DGKB: variants seen among roughly 807,000 people sequenced by gnomAD.
The protein encoded by DGKB is diacylglycerol kinase beta, also known as 90 kDa diacylglycerol kinase.
DGKB carries 67 observed loss-of-function variants against 114.3 expected under a neutral mutation model. The observed-to-expected ratio is 0.59, with a 90% CI of 0.48 to 0.72. The LOEUF (loss-of-function observed/expected upper bound fraction) is 0.72. Ranked by LOEUF, DGKB falls within the 30% of genes least tolerant of loss-of-function variation. DGKB has a pLI of 0.00. For missense variants in DGKB, 907 were observed against 975.2 expected (o/e 0.93, Z 0.93); for synonymous variants, 398 against 323.1 (o/e 1.23, Z -2.49).
At chr7:14,345,483 G>A in intron 21 of DGKB, 92 bp from the exon 22 acceptor site, 1 of 654,392 alleles carries the variant, frequency 1.5e-6, no homozygotes. Context: ...TGTTATAATA[G>A]AAAAGGTCTG....
intron 8 of DGKB, among the ~76,000 whole-genome samples, chr7:14,694,502 T>C (rs1186859535): frequency 2.0e-5 from 3 of 152,220 alleles, no homozygotes; most frequent in Non-Finnish European, 2.9e-5. Flanking sequence ...ACTTTCTTCA[T>C]ATTATTTTTT....
chr7:14,231,127 C>CTTTCTTTTTCTTTCTTTCTTTCTT (rs1554297194), intron 23 of DGKB, among the ~76,000 whole-genome samples: 4 of 125,184 alleles, frequency 3.2e-5, no homozygotes, highest in African/African-American at 9.2e-5. Context: ...TTCTTTCTTT[C>CTTTCTTTTTCTTTCTTTCTTTCTT]TTTCTTTCTT....
At chr7:14,672,603 C>A (rs1364660291) in intron 13 of DGKB, among the ~76,000 whole-genome samples, 1 of 151,974 alleles carries the variant, frequency 6.6e-6, no homozygotes, top group African/African-American at 2.4e-5. Context: ...AGAATAACTT[C>A]ATTATTCTGG....
intron 2 of DGKB, among the ~76,000 whole-genome samples, chr7:14,763,020 G>A (rs1044394181): frequency 3.3e-5 from 5 of 151,960 alleles, no homozygotes; most frequent in African/African-American, 1.2e-4. Context: ...TGGCACCATA[G>A]GTGTGTCAAA....
intron 14 of DGKB, among the ~76,000 whole-genome samples, chr7:14,627,020 T>C (rs1380789755): frequency 1.3e-5 from 2 of 152,076 alleles, no homozygotes; most frequent in African/African-American, 4.8e-5. Context: ...TAGAAAAAAG[T>C]AAGAAAATTT....
chr7:14,488,865 A>G (rs62443473), intron 20 of DGKB, among the ~76,000 whole-genome samples: 1 of 31,718 alleles, frequency 3.2e-5, no homozygotes, highest in Non-Finnish European at 5.5e-5. Context: ...AAAAAACCCA[A>G]CAACAACAAC....
intron 20 of DGKB, among the ~76,000 whole-genome samples, chr7:14,526,939 C>A (rs532497311): frequency 6.6e-6 from 1 of 152,194 alleles, no homozygotes; most frequent in African/African-American, 2.4e-5. Context: ...TGGGTTTACA[C>A]CTATATGCTT....
At chr7:14,239,915 TA>T (rs1793391037) in intron 23 of DGKB, among the ~76,000 whole-genome samples, 1 of 152,154 alleles carries the variant, frequency 6.6e-6, no homozygotes, top group Non-Finnish European at 1.5e-5. Flanking sequence ...GTATCTATTT[TA>T]CCATATTACC....
intron 1 of DGKB, among the ~76,000 whole-genome samples, chr7:14,848,212 T>C (rs549623038): frequency 6.6e-5 from 10 of 152,062 alleles, no homozygotes; most frequent in African/African-American, 1.7e-4. Flanking sequence ...AAGATCAAGG[T>C]TGAAAACTGA....
intron 25 of DGKB, among the ~76,000 whole-genome samples, chr7:14,175,404 T>C (rs1193362391): frequency 6.6e-6 from 1 of 152,128 alleles, no homozygotes; most frequent in East Asian, 1.9e-4. Context: ...TAGGTAAGAG[T>C]TGACTTCAAT....
chr7:14,441,209 C>T (rs1830046349), intron 21 of DGKB, among the ~76,000 whole-genome samples: 1 of 151,940 alleles, frequency 6.6e-6, no homozygotes, highest in South Asian at 2.1e-4. Context: ...GGGGTTTCAC[C>T]ATGTTGGCTA....
chr7:14,694,860 A>G (rs1455236930), intron 8 of DGKB, among the ~76,000 whole-genome samples: 1 of 152,204 alleles, frequency 6.6e-6, no homozygotes, highest in Non-Finnish European at 1.5e-5. Flanking sequence ...ACAGAGTCAG[A>G]GTCATATAGT....
At chr7:14,645,588 G>A (rs186140808) in intron 13 of DGKB, among the ~76,000 whole-genome samples, 162 of 151,802 alleles carry the variant, frequency 1.1e-3, no homozygotes, top group African/African-American at 3.8e-3. Context: ...ATGATAACAA[G>A]AGAAAAGAAT....
At chr7:14,406,127 A>C (rs1823893375) in intron 21 of DGKB, among the ~76,000 whole-genome samples, 1 of 152,038 alleles carries the variant, frequency 6.6e-6, no homozygotes, top group Non-Finnish European at 1.5e-5. Flanking sequence ...GGAGAAGGAG[A>C]GATACCTTGA....
intron 1 of DGKB, among the ~76,000 whole-genome samples, chr7:14,909,086 A>G (rs1048027057): frequency 3.3e-5 from 5 of 152,194 alleles, no homozygotes; most frequent in African/African-American, 1.2e-4. Context: ...CTAAGCCTCA[A>G]TTAAATGTCC....
chr7:14,609,854 TA>T (rs1195855861), intron 16 of DGKB, among the ~76,000 whole-genome samples: 7 of 151,996 alleles, frequency 4.6e-5, no homozygotes, highest in African/African-American at 1.7e-4. Context: ...TGGCTATTAT[TA>T]AAAAGTCAAA....
intron 13 of DGKB, among the ~76,000 whole-genome samples, chr7:14,643,081 G>A (rs997781396): frequency 4.6e-5 from 7 of 152,066 alleles, no homozygotes; most frequent in Non-Finnish European, 7.4e-5. Context: ...GAGCATCTAA[G>A]GGAGAACACA....
At chr7:14,436,094 G>A (rs939417735) in intron 21 of DGKB, among the ~76,000 whole-genome samples, 2 of 151,902 alleles carry the variant, frequency 1.3e-5, no homozygotes, top group African/African-American at 4.8e-5. Flanking sequence ...TTTTACAATT[G>A]GCATAAAGTC....
intron 17 of DGKB, among the ~76,000 whole-genome samples, chr7:14,597,361 T>C (rs1410718836): frequency 6.6e-6 from 1 of 152,172 alleles, no homozygotes; most frequent in Admixed American, 6.5e-5. Context: ...ACATCTGCCA[T>C]TTTCAGGAAA....
Sources: gnomAD v4.1 joint callset for allele counts (sites outside exome capture counted in the v4.1 genomes callset) on GRCh38, gnomAD v4.1.1 for gene constraint, MANE v1.5 for transcripts, NCBI Gene and HGNC (gene_info 2026-07-23, HGNC 2026-07-21) for gene names.